The following FAM162A variants were observed in gnomAD, a reference collection of about 807,000 sequenced individuals.
FAM162A encodes protein FAM162A.
In FAM162A, 23 loss-of-function variants were observed where a neutral mutation model predicts 21.8. The observed-to-expected ratio is 1.05, with a 90% CI of 0.76 to 1.49. FAM162A has a LOEUF of 1.49. Among genes scored for constraint, FAM162A ranks in the 40% most tolerant of loss-of-function variants. The probability of loss-of-function intolerance (pLI) is 0.00; values close to 1 mark genes in which losing one functional copy is unlikely to be tolerated. For synonymous variants in FAM162A, 53 were observed against 61.3 expected (o/e 0.86, Z 0.64); for missense variants, 165 against 186.4 (o/e 0.89, Z 0.67).
chr3:122,404,623 C>A (rs528814861), intron 3 of FAM162A, among the ~76,000 whole-genome samples: 3 of 152,248 alleles, frequency 2.0e-5, no homozygotes, highest in Admixed American at 6.5e-5. Flanking sequence ...TGATTTCATC[C>A]CCTGGCTACA....
intron 1 of FAM162A, chr3:122,401,633 A>G (rs2075653866): frequency 2.4e-6 from 2 of 849,626 alleles, no homozygotes; most frequent in African/African-American, 1.8e-5. Context: ...AAAATAGTAT[A>G]TATCTAAAAA....
chr3:122,403,886 A>C lies in FAM162A; in HGVS notation c.158-372A>C, dbSNP rs116052070. On this transcript the variant is annotated intron_variant, in intron 2 of 4. Coordinates refer to ENST00000477892, the MANE Select transcript of FAM162A (RefSeq NM_014367.4). ...GTGTCCCCCTTTTCTGTCTCCATCC[A>C]TTGTACAGATAATAAGCCTTCCTAA... is the stretch of plus-strand genomic sequence containing the variant. 4.5e-3 allele frequency among the ~76,000 whole-genome samples: 689 copies of C among 152,252 alleles called. 5 individuals carry two copies. Among genetic ancestry groups the C allele is most frequent in the African/African-American group, 0.016 (650 of 41,546 alleles).
rs1476366520 is a variant in FAM162A, at chr3:122,384,278, A to G, written c.13A>G (p.Ser5Gly). 6.3e-7 allele frequency: 1 copy of G among 1,579,014 alleles called. No individual in the cohort carries two copies. The highest frequency in any genetic ancestry group is 8.6e-7 in the Non-Finnish European group (1 of 1,162,864). ...GTAGCAAGTGGCCATGGGGAGCCTC[A>G]GCGGTCTGCGCCTGGCAGCAGGTGA... MGSL[S>G]GLRLAAGSCF... Residue 5 changes from serine (S) to glycine (G), a missense_variant, in exon 1 of 5, where the codon AGC (serine) becomes GGC (glycine). Ser to Gly is a moderately conservative substitution (Grantham distance 56). Transcript: ENST00000477892.
In FAM162A at chr3:122,409,906, G is replaced by A. The variant is rs1325577607; in HGVS notation, c.*75G>A. ...AACGTGCCTGTATTAAAAAGGATGT[G>A]GTATGAGGATCCATTTCATAAAGTA... is the stretch of plus-strand genomic sequence containing the variant. On this transcript the variant is annotated 3_prime_UTR_variant, in exon 5 of 5. Coordinates refer to ENST00000477892, the MANE Select transcript of FAM162A (RefSeq NM_014367.4). 8.0e-7 allele frequency: 1 copy of A among 1,249,226 alleles called. No individual in the cohort carries two copies. Among genetic ancestry groups the A allele is most frequent in the South Asian group, 1.2e-5 (1 of 82,624 alleles). The allele number at this position is 1,249,226 out of a possible 1,614,324, so 77.4% of individuals were successfully genotyped here.
chr3:122,384,351 G>C, intron 1 of FAM162A, 52 bp downstream of exon 1: 1 of 1,552,462 alleles, frequency 6.4e-7, no homozygotes, highest in Non-Finnish European at 8.7e-7. Context: ...CGGCCGCTGC[G>C]GGTGGGGGAA....
At chr3:122,389,804 G>A (rs1280541054) in intron 1 of FAM162A, among the ~76,000 whole-genome samples, 1 of 152,190 alleles carries the variant, frequency 6.6e-6, no homozygotes, top group Non-Finnish European at 1.5e-5. Flanking sequence ...CTATGATTAT[G>A]AGTGCTTTTA....
Position 122,410,631 on chromosome 3 carries a change from T to G in FAM162A, c.*800T>G, listed in dbSNP as rs969819781. On this transcript the variant is annotated 3_prime_UTR_variant, in exon 5 of 5. Transcript: ENST00000477892. ...TTTAGGTATGAATACAGGTTTCTATTTTAAACATTGATTCTCACATGCTTC... is the reference window on the plus strand; with the variant it reads ...TTTAGGTATGAATACAGGTTTCTATGTTAAACATTGATTCTCACATGCTTC... 8 of 152,246 alleles carry G rather than the reference T, an allele frequency of 5.3e-5. No homozygotes were observed. The highest frequency in any genetic ancestry group is 8.8e-5 in the Non-Finnish European group (6 of 68,040). 9.4% of individuals were successfully genotyped at this position (152,246 alleles called of 1,614,324 possible).
intron 4 of FAM162A, among the ~76,000 whole-genome samples, chr3:122,408,689 A>G (rs1241448189): frequency 1.3e-5 from 2 of 152,176 alleles, no homozygotes. Flanking sequence ...ACCAGCAGAA[A>G]CATGTGGACA....
rs571495952 is a variant in FAM162A at position 122,398,937 on chromosome 3, T to A, written c.35-3823T>A. On this transcript the variant is annotated intron_variant, in intron 1 of 4. Coordinates refer to ENST00000477892, the MANE Select transcript of FAM162A (RefSeq NM_014367.4). ...TGGAGTTTAGGTTAAACGATATTTT[T>A]AAAATTTTTTAAGTTCAGGGCTACA... Among the ~76,000 whole-genome samples the A allele has an allele frequency of 3.9e-5, 6 of 152,210 alleles. No individual in the cohort carries two copies. In the South Asian group the frequency reaches 1.0e-3, roughly 26 times the overall value.
chr3:122,393,062 A>T (rs1286089434), intron 1 of FAM162A, among the ~76,000 whole-genome samples: 1 of 152,190 alleles, frequency 6.6e-6, no homozygotes, highest in African/African-American at 2.4e-5. Context: ...AAAGCAGTTA[A>T]TTTATCTCCT....
chr3:122,386,508 C>T (rs949004005), intron 1 of FAM162A, among the ~76,000 whole-genome samples: 18 of 149,026 alleles, frequency 1.2e-4, no homozygotes, highest in Non-Finnish European at 8.9e-5. Flanking sequence ...AGCTATAATA[C>T]GATCATGCTA....
intron 1 of FAM162A, among the ~76,000 whole-genome samples, chr3:122,394,732 T>G (rs184226635): frequency 1.4e-4 from 21 of 152,288 alleles, no homozygotes; most frequent in African/African-American, 5.1e-4. Flanking sequence ...GAATTAATCT[T>G]TCACAAATTC....
At chr3:122,394,630 G>A (rs561639810) in intron 1 of FAM162A, among the ~76,000 whole-genome samples, 9 of 152,302 alleles carry the variant, frequency 5.9e-5, no homozygotes, top group Non-Finnish European at 1.0e-4. Context: ...ACAGGAGATT[G>A]AACTAGTGAT....
intron 1 of FAM162A, among the ~76,000 whole-genome samples, chr3:122,399,158 C>T (rs1461043442): frequency 6.6e-6 from 1 of 152,038 alleles, no homozygotes; most frequent in Non-Finnish European, 1.5e-5. Flanking sequence ...TATTTAGCTC[C>T]CACTTATTAA....
At chr3:122,399,182 T>C (rs1272980520) in intron 1 of FAM162A, among the ~76,000 whole-genome samples, 2 of 152,136 alleles carry the variant, frequency 1.3e-5, no homozygotes, top group Admixed American at 1.3e-4. Context: ...GAACATGCAG[T>C]ATTTGGTTTT....
intron 3 of FAM162A, among the ~76,000 whole-genome samples, chr3:122,404,857 AG>A (rs978601034): frequency 6.6e-6 from 1 of 152,220 alleles, no homozygotes; most frequent in African/African-American, 2.4e-5. Flanking sequence ...CAGAGTTTGT[AG>A]ATGATGAGTG....
intron 1 of FAM162A, chr3:122,401,627 T>A: frequency 1.0e-6 from 1 of 956,806 alleles, no homozygotes; most frequent in African/African-American, 1.8e-5. Flanking sequence ...CTGATTAAAA[T>A]AGTATATATC....
chr3:122,404,567 G>T (rs979055321), intron 3 of FAM162A, among the ~76,000 whole-genome samples: 1 of 152,240 alleles, frequency 6.6e-6, no homozygotes, highest in African/African-American at 2.4e-5. Context: ...AAGTTACACA[G>T]TGACTGGTGA....
chr3:122,403,119 T>A (rs2075660428), intron 2 of FAM162A, among the ~76,000 whole-genome samples: 1 of 151,998 alleles, frequency 6.6e-6, no homozygotes, highest in Admixed American at 6.6e-5. Context: ...TGCAGGCCCA[T>A]CTTCCTACAT....
Sources: allele counts gnomAD v4.1 joint callset (sites outside exome capture counted in the v4.1 genomes callset), GRCh38; gene constraint gnomAD v4.1.1; transcripts MANE v1.5; gene names NCBI Gene and HGNC (gene_info 2026-07-23, HGNC 2026-07-21).